Variants in COMMD2 observed in about 807,000 individuals in gnomAD.
COMMD2 encodes COMM domain-containing protein 2.
A neutral mutation model predicts 22.5 loss-of-function variants in COMMD2; 25 were observed. The ratio of observed to expected loss-of-function variants is 1.11; its 90% CI spans 0.81 to 1.55. COMMD2 has a LOEUF of 1.55. Among genes scored for constraint, COMMD2 ranks in the 40% most tolerant of loss-of-function variants. The pLI is 0.00. For missense variants in COMMD2, 223 were observed against 232.9 expected (o/e 0.96, Z 0.28); for synonymous variants, 98 against 91.2 (o/e 1.07, Z -0.42).
Position 149,741,548 on chromosome 3 carries a change from AC to A in COMMD2, c.572del (p.Cys191LeufsTer23). The A allele has an allele frequency of 6.2e-7, 1 of 1,614,028 alleles. No individual in the cohort carries two copies. The highest frequency in any genetic ancestry group is 8.5e-7 in the Non-Finnish European group (1 of 1,179,910). ...ACTTGATGTTGCGAACAACTCTCCTACAGTGATTTGTCTTCATCTCTTCCAA... is the reference window on the plus strand; with the variant it reads ...ACTTGATGTTGCGAACAACTCTCCTAAGTGATTTGTCTTCATCTCTTCCAA... ...QALEEMKTNH[C>X]RRVVRNIK On this transcript the variant is annotated frameshift_variant, in exon 5 of 5. Transcript: ENST00000473414. LOFTEE classifies it high-confidence loss of function.
chr3:149,742,721 C>T (rs547031679), intron 4 of COMMD2, among the ~76,000 whole-genome samples: 2 of 152,122 alleles, frequency 1.3e-5, no homozygotes, highest in African/African-American at 2.4e-5. Flanking sequence ...GTAATCTCAG[C>T]ACTTTTGGGG....
At chr3:149,748,504 C>G (rs186530876) in intron 4 of COMMD2, among the ~76,000 whole-genome samples, 1 of 152,286 alleles carries the variant, frequency 6.6e-6, no homozygotes, top group East Asian at 1.9e-4. Context: ...AAAGAGGAAG[C>G]ACAGGTGCCA....
chr3:149,743,929 G>C (rs1356109486), intron 4 of COMMD2, among the ~76,000 whole-genome samples: 2 of 151,954 alleles, frequency 1.3e-5, no homozygotes. Context: ...TTTAGACAAC[G>C]TATCTAAATT....
At chr3:149,745,142 C>T (rs1018140366) in intron 4 of COMMD2, among the ~76,000 whole-genome samples, 2 of 152,074 alleles carry the variant, frequency 1.3e-5, no homozygotes. Flanking sequence ...ACATCTCCAC[C>T]GGGTTATTAT....
intron 4 of COMMD2, among the ~76,000 whole-genome samples, chr3:149,743,280 T>A (rs1716285698): frequency 6.6e-6 from 1 of 152,180 alleles, no homozygotes; most frequent in Admixed American, 6.5e-5. Context: ...TTTCAATCTT[T>A]AGATTCTCCA....
At chr3:149,747,404 G>A (rs868263998) in intron 4 of COMMD2, among the ~76,000 whole-genome samples, 1 of 152,232 alleles carries the variant, frequency 6.6e-6, no homozygotes, top group Non-Finnish European at 1.5e-5. Context: ...AGAGGAGCCT[G>A]TGAAGTTGAA....
chr3:149,740,314 T>A lies in COMMD2; in HGVS notation c.*1207A>T, dbSNP rs1338589210. 1 of 152,208 alleles carries A rather than the reference T, an allele frequency of 6.6e-6. No homozygotes were observed. Among genetic ancestry groups the A allele is most frequent in the Non-Finnish European group, 1.5e-5 (1 of 68,022 alleles). 9.4% of individuals were successfully genotyped at this position (152,208 alleles called of 1,614,324 possible). A position where few individuals can be genotyped will look rare whatever the true frequency, so the allele number is the denominator to read the frequency against. ...AATCAAGTTATGTTTTGAGAAGGGA[T>A]AGTTGCCTATAATGTAATAAACATG... On this transcript the variant is annotated 3_prime_UTR_variant, in exon 5 of 5. Coordinates refer to ENST00000473414, the MANE Select transcript of COMMD2 (RefSeq NM_016094.4).
intron 2 of COMMD2, 179 bp downstream of exon 2, chr3:149,752,031 C>T: frequency 1.8e-6 from 1 of 553,670 alleles, no homozygotes; most frequent in Non-Finnish European, 3.2e-6. Context: ...TTAACAATCT[C>T]ACAGCTACTT....
At chr3:149,746,060 C>T (rs1325371917) in intron 4 of COMMD2, among the ~76,000 whole-genome samples, 3 of 152,238 alleles carry the variant, frequency 2.0e-5, no homozygotes, top group Admixed American at 1.3e-4. Flanking sequence ...GTTAGGCCCA[C>T]ATCCTCACCT....
intron 4 of COMMD2, among the ~76,000 whole-genome samples, chr3:149,748,291 G>T (rs1024992344): frequency 6.6e-6 from 1 of 152,154 alleles, no homozygotes; most frequent in Non-Finnish European, 1.5e-5. Context: ...ACATGTGGGA[G>T]TTCTTTCCGA....
chr3:149,745,740 TTC>T (rs1256578492), intron 4 of COMMD2, among the ~76,000 whole-genome samples: 2 of 152,216 alleles, frequency 1.3e-5, no homozygotes, highest in African/African-American at 4.8e-5. Flanking sequence ...CAATGGAATA[TTC>T]TCTCTCTATG....
intron 4 of COMMD2, among the ~76,000 whole-genome samples, chr3:149,748,965 G>A (rs1248296188): frequency 1.3e-5 from 2 of 151,890 alleles, no homozygotes; most frequent in Admixed American, 6.6e-5. Flanking sequence ...CTGCCCAAGG[G>A]TGCTAGACTA....
At chr3:149,748,876 A>G (rs750393045) in intron 4 of COMMD2, among the ~76,000 whole-genome samples, 5 of 152,268 alleles carry the variant, frequency 3.3e-5, no homozygotes, top group Admixed American at 6.5e-5. Context: ...GCAGCAAAGC[A>G]GAAAACGCAT....
In COMMD2 at chr3:149,741,447, T is replaced by C. The variant is rs1716220699; in HGVS notation, c.*74A>G. 1.7e-6 allele frequency: 2 copies of C among 1,192,426 alleles called. No individual in the cohort carries two copies. Among genetic ancestry groups the C allele is most frequent in the Admixed American group, 3.5e-5 (2 of 57,466 alleles). 73.9% of individuals were successfully genotyped at this position (1,192,426 alleles called of 1,614,324 possible). A position where few individuals can be genotyped will look rare whatever the true frequency, so the allele number is the denominator to read the frequency against. ...TTATCATCATGAATTAATAAAAAATTAATTTTGAAAAGTAATTGCTGTATA... is the reference window on the plus strand; with the variant it reads ...TTATCATCATGAATTAATAAAAAATCAATTTTGAAAAGTAATTGCTGTATA... On this transcript the variant is annotated 3_prime_UTR_variant, in exon 5 of 5. Transcript: ENST00000473414.
rs1403162599 is a variant in COMMD2 at position 149,741,140 on chromosome 3, T to G, written c.*381A>C. ...GTGCAGTGGCACAATCTCAGCTCACTGCAACCTCCACCTCCCAGGTTCAAG... is the reference window on the plus strand; with the variant it reads ...GTGCAGTGGCACAATCTCAGCTCACGGCAACCTCCACCTCCCAGGTTCAAG... On this transcript the variant is annotated 3_prime_UTR_variant, in exon 5 of 5. Coordinates refer to ENST00000473414, the MANE Select transcript of COMMD2 (RefSeq NM_016094.4). 1 of 166,636 alleles carries G rather than the reference T, an allele frequency of 6.0e-6. No homozygotes were observed. 10.3% of individuals were successfully genotyped at this position (166,636 alleles called of 1,614,324 possible).
At position 149,739,767 on chromosome 3, in the gene COMMD2, G is replaced by C. The variant is rs945326627; in HGVS notation, c.*1754C>G. The C allele has an allele frequency of 2.0e-5, 3 of 152,172 alleles. No individual in the cohort carries two copies. The highest frequency in any genetic ancestry group is 2.0e-4 in the Admixed American group (3 of 15,284). The allele number at this position is 152,172 out of a possible 1,614,324, so 9.4% of individuals were successfully genotyped here. ...TTTTTGTTTGTGAGGTTGTATATGA[G>C]AGCTTCATTAATCAAGTTGCCACTA... On this transcript the variant is annotated 3_prime_UTR_variant, in exon 5 of 5. Transcript: ENST00000473414.
At chr3:149,746,510 G>A (rs1252641788) in intron 4 of COMMD2, among the ~76,000 whole-genome samples, 1 of 151,994 alleles carries the variant, frequency 6.6e-6, no homozygotes, top group African/African-American at 2.4e-5. Flanking sequence ...GGTGGCTTAC[G>A]CCTGTAATCC....
At chr3:149,746,594 AC>A (rs1267039001) in intron 4 of COMMD2, among the ~76,000 whole-genome samples, 1 of 148,326 alleles carries the variant, frequency 6.7e-6, no homozygotes, top group Non-Finnish European at 1.5e-5. Flanking sequence ...ACAGGGTGAA[AC>A]CCTGTCTCTA....
chr3:149,749,933 G>A (rs1425969907), intron 4 of COMMD2, among the ~76,000 whole-genome samples: 3 of 152,102 alleles, frequency 2.0e-5, no homozygotes, highest in Non-Finnish European at 4.4e-5. Flanking sequence ...CCCTAACCAA[G>A]GTGATACGAT....
Sources: gnomAD v4.1 joint callset for allele counts (sites outside exome capture counted in the v4.1 genomes callset) on GRCh38, gnomAD v4.1.1 for gene constraint, MANE v1.5 for transcripts, NCBI Gene and HGNC (gene_info 2026-07-23, HGNC 2026-07-21) for gene names.